Variants in HEMK2 observed in about 807,000 individuals in gnomAD.
The protein encoded by HEMK2 is methyltransferase HEMK2.
chr21:28,587,995 G>C, the HEMK2 span, among the ~76,000 whole-genome samples: 2 of 152,164 alleles, frequency 1.3e-5, no homozygotes, highest in Non-Finnish European at 2.9e-5. Context: ...AGCTGCAGTT[G>C]GCAGAAAGAT....
the HEMK2 span, among the ~76,000 whole-genome samples, chr21:28,732,775 CTCTG>C: frequency 1.3e-5 from 2 of 152,176 alleles, no homozygotes; most frequent in Non-Finnish European, 2.9e-5. Flanking sequence ...GAGGGAAAGA[CTCTG>C]TCTGAACAAG....
chr21:28,633,672 T>C, the HEMK2 span, among the ~76,000 whole-genome samples: 1 of 152,194 alleles, frequency 6.6e-6, no homozygotes, highest in Non-Finnish European at 1.5e-5. Context: ...AAAATCAACC[T>C]TCTGTATATG....
the HEMK2 span, among the ~76,000 whole-genome samples, chr21:28,780,805 C>G: frequency 0.49 from 74,472 of 152,022 alleles, 20,679 homozygotes; most frequent in East Asian, 0.78. Flanking sequence ...TTCTGCACTT[C>G]TATTTTATTT....
At chr21:28,787,501 C>A in the HEMK2 span, among the ~76,000 whole-genome samples, 1 of 130,068 alleles carries the variant, frequency 7.7e-6, no homozygotes. Context: ...ACAGCAAACT[C>A]AAACAAATCA....
chr21:28,731,748 AAGT>A, the HEMK2 span, among the ~76,000 whole-genome samples: 1 of 113,756 alleles, frequency 8.8e-6, no homozygotes, highest in Non-Finnish European at 1.6e-5. Context: ...CTAAAACTTA[AAGT>A]ATAATAATAA....
chr21:28,879,156 C>T, the HEMK2 span, among the ~76,000 whole-genome samples: 1 of 145,210 alleles, frequency 6.9e-6, no homozygotes, highest in Non-Finnish European at 1.5e-5. Context: ...GTAATCATGG[C>T]TCACTGCAGC....
chr21:28,633,854 C>T, the HEMK2 span, among the ~76,000 whole-genome samples: 27 of 152,248 alleles, frequency 1.8e-4, no homozygotes, highest in South Asian at 2.1e-3. Flanking sequence ...CCTTCTGAAA[C>T]CTATCTGCCA....
chr21:28,641,494 C>T, the HEMK2 span, among the ~76,000 whole-genome samples: 1 of 152,130 alleles, frequency 6.6e-6, no homozygotes, highest in African/African-American at 2.4e-5. Flanking sequence ...CCCAGAGCCA[C>T]CCATTTCCTA....
chr21:28,610,104 A>G, the HEMK2 span, among the ~76,000 whole-genome samples: 1 of 152,202 alleles, frequency 6.6e-6, no homozygotes, highest in Non-Finnish European at 1.5e-5. Context: ...GCACATGGTC[A>G]TCAGGTTGTT....
the HEMK2 span, chr21:28,872,725 G>C: frequency 6.6e-6 from 1 of 152,226 alleles, no homozygotes; most frequent in Non-Finnish European, 1.5e-5. Flanking sequence ...AGGGAAGCCA[G>C]TGATGTAAAT....
At chr21:28,603,916 T>C in the HEMK2 span, among the ~76,000 whole-genome samples, 1 of 152,152 alleles carries the variant, frequency 6.6e-6, no homozygotes, top group Non-Finnish European at 1.5e-5. Context: ...TACCCAGAAG[T>C]TGGTGGCGAG....
the HEMK2 span, among the ~76,000 whole-genome samples, chr21:28,745,063 T>C: frequency 4.6e-5 from 7 of 152,196 alleles, no homozygotes; most frequent in Admixed American, 1.3e-4. Flanking sequence ...GTAGCCACTA[T>C]TGGCAAAAAA....
At chr21:28,582,638 G>T in the HEMK2 span, among the ~76,000 whole-genome samples, 1 of 152,232 alleles carries the variant, frequency 6.6e-6, no homozygotes, top group South Asian at 2.1e-4. Context: ...ACATAGTAGA[G>T]AATACATTAG....
the HEMK2 span, among the ~76,000 whole-genome samples, chr21:28,811,272 G>A: frequency 1.8e-4 from 23 of 128,766 alleles, no homozygotes; most frequent in Admixed American, 7.8e-4. Context: ...GAAAGAAAGA[G>A]AAAGAAAGAA....
the HEMK2 span, among the ~76,000 whole-genome samples, chr21:28,788,080 A>T: frequency 0.021 from 3,144 of 151,854 alleles, 125 homozygotes; most frequent in African/African-American, 0.072. Context: ...TATAAAAAAT[A>T]GGCACATAGA....
At chr21:28,784,108 G>C in the HEMK2 span, among the ~76,000 whole-genome samples, 1 of 152,188 alleles carries the variant, frequency 6.6e-6, no homozygotes, top group Non-Finnish European at 1.5e-5. Flanking sequence ...CACAGCGCCT[G>C]GTCCCATCGA....
chr21:28,584,770 G>C, the HEMK2 span, among the ~76,000 whole-genome samples: 1 of 152,078 alleles, frequency 6.6e-6, no homozygotes, highest in South Asian at 2.1e-4. Flanking sequence ...GGCTGATAGA[G>C]AGCTGCACTA....
At chr21:28,841,190 A>AAT in the HEMK2 span, among the ~76,000 whole-genome samples, 1,144 of 21,352 alleles carry the variant, frequency 0.054, 96 homozygotes, top group East Asian at 0.17. Context: ...TATATATTAT[A>AAT]ATATATATAT....
chr21:28,802,441 A>T, the HEMK2 span, among the ~76,000 whole-genome samples: 1 of 152,220 alleles, frequency 6.6e-6, no homozygotes, highest in Non-Finnish European at 1.5e-5. Context: ...CAGAAATGGC[A>T]AACAGGCCAG....
Sources: gnomAD v4.1 joint callset for allele counts (sites outside exome capture counted in the v4.1 genomes callset) on GRCh38, gnomAD v4.1.1 for gene constraint, MANE v1.5 for transcripts, NCBI Gene and HGNC (gene_info 2026-07-23, HGNC 2026-07-21) for gene names.